Variants in SEPTIN8 observed in about 807,000 individuals in gnomAD.
The protein encoded by SEPTIN8 is septin-8.
SEPTIN8 carries 22 observed loss-of-function variants against 53.1 expected under a neutral mutation model. The observed-to-expected ratio is 0.41, with a 90% CI of 0.30 to 0.59. The LOEUF (loss-of-function observed/expected upper bound fraction) is 0.59. Among genes scored for constraint, SEPTIN8 ranks in the 20% least tolerant of loss-of-function variants. SEPTIN8 has a pLI of 0.24. For synonymous variants in SEPTIN8, 228 were observed against 248.4 expected (o/e 0.92, Z 0.77); for missense variants, 536 against 638.7 (o/e 0.84, Z 1.73).
intron 2 of SEPTIN8, among the ~76,000 whole-genome samples, 170 bp from the exon 3 acceptor site, chr5:132,764,589 T>A (rs1278642522): frequency 1.3e-5 from 2 of 152,098 alleles, no homozygotes; most frequent in Non-Finnish European, 2.9e-5. Flanking sequence ...AGGAACTATC[T>A]TTTCCTGTGG....
intron 9 of SEPTIN8, chr5:132,758,420 C>A: frequency 3.2e-6 from 5 of 1,561,912 alleles, no homozygotes; most frequent in Non-Finnish European, 3.5e-6. Flanking sequence ...CGCAGCTGCA[C>A]CTAGGGCACC....
intron 4 of SEPTIN8, 66 bp from the exon 5 acceptor site, chr5:132,762,711 G>A (rs1260705969): frequency 1.9e-6 from 3 of 1,548,520 alleles, no homozygotes; most frequent in Non-Finnish European, 2.7e-6. Context: ...CCCATGCCAT[G>A]CCCAGGATAT....
At position 132,776,964 on chromosome 5, in the gene SEPTIN8, C is replaced by T; in HGVS notation, c.30+144G>A. 1 of 410,630 alleles carries T rather than the reference C, an allele frequency of 2.4e-6. No homozygotes were observed. Among genetic ancestry groups the T allele is most frequent in the Non-Finnish European group, 3.6e-6 (1 of 277,842 alleles). 25.4% of individuals were successfully genotyped at this position (410,630 alleles called of 1,614,324 possible). ...CCCCCCGATAGCGCGGCCGAGAGCCCGCGCCGGGGTCCTCGAGCTGGCCCG... is the reference window on the plus strand; with the variant it reads ...CCCCCCGATAGCGCGGCCGAGAGCCTGCGCCGGGGTCCTCGAGCTGGCCCG... On this transcript the variant is annotated intron_variant, in intron 1 of 9. Coordinates refer to ENST00000378719, the MANE Select transcript of SEPTIN8 (RefSeq NM_001098811.2). This position sits in a 1 kb window ranked among gnomAD's most constrained non-coding sequence, Gnocchi z 4.4.
At position 132,757,911 on chromosome 5, in the gene SEPTIN8, A is replaced by G. The variant is rs1202543089; in HGVS notation, c.1286+2891T>C. 6 of 985,664 alleles carry G rather than the reference A, an allele frequency of 6.1e-6. No homozygotes were observed. The East Asian group carries it at 3.4e-4, about 56-fold the overall frequency. 61.1% of individuals were successfully genotyped at this position (985,664 alleles called of 1,614,324 possible). A position where few individuals can be genotyped will look rare whatever the true frequency, so the allele number is the denominator to read the frequency against. On this transcript the variant is annotated intron_variant, in intron 9 of 9. Coordinates refer to ENST00000378719, the MANE Select transcript of SEPTIN8 (RefSeq NM_001098811.2). ...AAGAAGCAATGACTTTGAGGTAACA[A>G]CCTTTTTCCCACTGAGTACTCTTTA...
At chr5:132,758,516 A>C in intron 9 of SEPTIN8, 1 of 1,613,450 alleles carries the variant, frequency 6.2e-7, no homozygotes, top group Non-Finnish European at 8.5e-7. Flanking sequence ...CAGCTCCGTC[A>C]GGGAATAGTG....
chr5:132,770,115 A>ATG (rs1204233030), intron 1 of SEPTIN8, among the ~76,000 whole-genome samples: 4 of 75,668 alleles, frequency 5.3e-5, no homozygotes, highest in African/African-American at 1.8e-4. Context: ...ATATGTATAT[A>ATG]TATATATATG....
At chr5:132,763,942 T>C (rs1561755650) in intron 3 of SEPTIN8, 50 bp from the exon 4 acceptor site, 2 of 1,488,482 alleles carry the variant, frequency 1.3e-6, no homozygotes, top group Non-Finnish European at 1.8e-6. Flanking sequence ...ATCAGGGGCT[T>C]GGGGCTTGGG....
At chr5:132,758,754 T>C in intron 9 of SEPTIN8, 2 of 1,613,948 alleles carry the variant, frequency 1.2e-6, no homozygotes, top group Non-Finnish European at 1.7e-6. Flanking sequence ...GGTCACAAGG[T>C]GTAACTCAAG....
rs193038181 is a variant in SEPTIN8 at position 132,762,523 on chromosome 5, C to T, written c.657G>A (p.Thr219=). 308 of 1,614,240 alleles carry T rather than the reference C, an allele frequency of 1.9e-4. 2 individuals carry two copies. The South Asian group carries it at 2.9e-3, about 15-fold the overall frequency. Residue 219 remains threonine, a synonymous_variant, in exon 5 of 10, where the codon ACG becomes ACA. Transcript: ENST00000378719. Reference sequence around the variant, plus strand: ...TAATCTCTGCAACAGCCTCATCATCCGTGGGGAACTGGTAGATCTGGACCC... The same window carrying T: ...TAATCTCTGCAACAGCCTCATCATCTGTGGGGAACTGGTAGATCTGGACCC... ...SNGVQIYQFP[T]DDEAVAEINA...
intron 1 of SEPTIN8, among the ~76,000 whole-genome samples, chr5:132,767,943 C>CCACACACACACACACACACACACACACA (rs57640097): frequency 2.3e-5 from 3 of 127,904 alleles, no homozygotes; most frequent in East Asian, 2.7e-4. Flanking sequence ...TGTCTGGAAA[C>CCACACACACACACACACACACACACACA]CACACACACA....
intron 3 of SEPTIN8, 48 bp from the exon 4 acceptor site, chr5:132,763,940 C>T: frequency 6.8e-7 from 1 of 1,472,022 alleles, no homozygotes; most frequent in Non-Finnish European, 9.1e-7. Flanking sequence ...AGATCAGGGG[C>T]TTGGGGCTTG....
At chr5:132,770,067 A>G (rs55786190) in intron 1 of SEPTIN8, among the ~76,000 whole-genome samples, 1,957 of 56,550 alleles carry the variant, frequency 0.035, 38 homozygotes, top group African/African-American at 0.064. Flanking sequence ...GTGTGTGTAT[A>G]TATATATATA....
Position 132,760,855 on chromosome 5 carries a change from C to T in SEPTIN8, c.1233G>A (p.Gln411=). The change falls in exon 9 of 10, where the codon CAG becomes CAA. Residue 411 remains glutamine (Q), a synonymous_variant. Transcript: ENST00000378719. The surrounding 1 kb of genome is among the most constrained non-coding windows in gnomAD (Gnocchi z 5.2). Reference sequence around the variant, plus strand: ...GCTGCTGCGAGGTGGCGTGCAAGGCCTGCGACTGCAGGGCCTCCACCGCAG... The same window carrying T: ...GCTGCTGCGAGGTGGCGTGCAAGGCTTGCGACTGCAGGGCCTCCACCGCAG... The part of the protein sequence containing the change: ...RKAAVEALQS[Q]ALHATSQQPL... 6.2e-7 allele frequency: 1 copy of T among 1,613,944 alleles called. No homozygotes were observed. Among genetic ancestry groups the T allele is most frequent in the South Asian group, 1.1e-5 (1 of 91,084 alleles).
rs542532404 is a variant in SEPTIN8 at position 132,777,156 on chromosome 5, C to G, written c.-19G>C. ...CCGCCATGGCGAGCTCCGCACCGGG[C>G]GGGTGGGCTGGGACGAGCGCAGGGG... On this transcript the variant is annotated 5_prime_UTR_variant, in exon 1 of 10. Coordinates refer to ENST00000378719, the MANE Select transcript of SEPTIN8 (RefSeq NM_001098811.2). The surrounding 1 kb of genome is among the most constrained non-coding windows in gnomAD (Gnocchi z 4.1). 4.6e-5 allele frequency: 13 copies of G among 279,612 alleles called. No individual in the cohort carries two copies. The highest frequency in any genetic ancestry group is 5.9e-5 in the Non-Finnish European group (11 of 186,858). The allele number at this position is 279,612 out of a possible 1,614,324, so 17.3% of individuals were successfully genotyped here.
Position 132,761,851 on chromosome 5 carries a change from C to T in SEPTIN8, c.742G>A (p.Val248Met), listed in dbSNP as rs371217438. Residue 248 changes from valine to methionine, a missense_variant, in exon 6 of 10, where the codon GTG (valine) becomes ATG (methionine). Around this residue, in one of 3 missense-constraint regions of SEPTIN8, gnomAD observed 395 missense variants for 451.8 expected, o/e 0.87. Transcript: ENST00000378719. The surrounding 1 kb of genome is among the most constrained non-coding windows in gnomAD (Gnocchi z 5.8). ...CGTGCTCGGACCAGCTTGTTCCCCA[C>T]CTTCACCTCCTCGGTGCTGCCCACC... ...AVVGSTEEVKVGNKLVRARQY... is the reference protein window; with the variant it reads ...AVVGSTEEVKMGNKLVRARQY... 2.5e-6 allele frequency: 4 copies of T among 1,607,036 alleles called. No homozygotes were observed. Among genetic ancestry groups the T allele is most frequent in the Middle Eastern group, 1.6e-4 (1 of 6,078 alleles).
In SEPTIN8 at chr5:132,757,357, C is replaced by T. The variant is rs6895457; in HGVS notation, c.1286+3445G>A. Reference sequence around the variant, plus strand: ...CTGGCCGTGCCTCGGTGGACACACACAGCTCACCCCTCCACTTCTCCCTGA... The same window carrying T: ...CTGGCCGTGCCTCGGTGGACACACATAGCTCACCCCTCCACTTCTCCCTGA... On this transcript the variant is annotated intron_variant, in intron 9 of 9. Transcript: ENST00000378719. The T allele has an allele frequency of 4.5e-3, 4,427 of 985,412 alleles. 163 individuals are homozygous for T. In the African/African-American group the frequency reaches 0.073, roughly 16 times the overall value. 61.0% of individuals were successfully genotyped at this position (985,412 alleles called of 1,614,324 possible).
chr5:132,776,738 CAGAA>C lies in SEPTIN8; in HGVS notation c.30+366_30+369del, dbSNP rs1757833239. On this transcript the variant is annotated intron_variant, in intron 1 of 9. Transcript: ENST00000378719. The surrounding 1 kb of genome is among the most constrained non-coding windows in gnomAD (Gnocchi z 4.4). The stretch of plus-strand genomic sequence containing the variant: ...CGGCTAGGACTCTTCCCCAAGTGTG[CAGAA>C]AGAAACACCCTGGGCGATAGGGTCC... 6.6e-6 allele frequency among the ~76,000 whole-genome samples: 1 copy of C among 152,202 alleles called. No homozygotes were observed. The highest frequency in any genetic ancestry group is 1.5e-5 in the Non-Finnish European group (1 of 68,022).
chr5:132,778,165 C>T (rs182379256), upstream of SEPTIN8: 77 of 803,990 alleles, frequency 9.6e-5, 1 homozygote, highest in African/African-American at 9.5e-4. Context: ...TCCTCTGAAA[C>T]CCCGTTTCTT....
rs73787060 is a variant in SEPTIN8 at position 132,754,149 on chromosome 5, A to G, written c.1287-1968T>C. ...TTGTTGGTGCTTTCGTTAAAATTAC[A>G]CTTTAATTGCTTCCGATCCTGTATG... On this transcript the variant is annotated intron_variant, in intron 9 of 9. Coordinates refer to ENST00000378719, the MANE Select transcript of SEPTIN8 (RefSeq NM_001098811.2). The G allele has an allele frequency of 2.3e-3, 930 of 413,086 alleles. 3 individuals carry two copies. The highest frequency in any genetic ancestry group is 0.017 in the African/African-American group (841 of 50,290). The allele number at this position is 413,086 out of a possible 1,614,324, so 25.6% of individuals were successfully genotyped here.
Sources: gnomAD v4.1 joint callset for allele counts (sites outside exome capture counted in the v4.1 genomes callset) on GRCh38, gnomAD v4.1.1 for gene constraint, gnomAD v4.1.1 regional missense constraint, Gnocchi (gnomAD v3.1) non-coding constraint, MANE v1.5 for transcripts, NCBI Gene and HGNC (gene_info 2026-07-23, HGNC 2026-07-21) for gene names.